The following FAT2 variants were observed in gnomAD, a reference collection of about 807,000 sequenced individuals.
The protein encoded by FAT2 is FAT atypical cadherin 2, also known as protocadherin Fat 2.
A neutral mutation model predicts 295.3 loss-of-function variants in FAT2; 150 were observed. The observed-to-expected ratio is 0.51, with a 90% CI of 0.44 to 0.58. FAT2 has a LOEUF of 0.58. Among genes scored for constraint, FAT2 ranks in the 20% least tolerant of loss-of-function variants. The pLI is 0.00. For missense variants in FAT2, 4,868 were observed against 5,442.7 expected, an observed-to-expected ratio of 0.89 and a Z score of 3.32; for synonymous variants, 2,026 against 2,150.3, an observed-to-expected ratio of 0.94 and a Z score of 1.60.
At position 151,566,299 on chromosome 5, in the gene FAT2, G is replaced by A. The variant is rs1758259966; in HGVS notation, c.2633C>T (p.Thr878Ile). Residue 878 changes from threonine to isoleucine, a missense_variant, in exon 2 of 24, where the codon ACA becomes ATA. By Grantham distance (89) the Thr-to-Ile change is moderately conservative. Coordinates refer to ENST00000261800, the MANE Select transcript of FAT2 (RefSeq NM_001447.3). ...CTCTGATTCGCGGTCCAGGTGTCCT[G>A]TAACAACCAGTTCCCCAGTGAGAGG... ...LHPLTGELVV[T>I]GHLDRESEPR... is the part of the protein sequence containing the mutation. 4 of 1,614,006 alleles carry A rather than the reference G, an allele frequency of 2.5e-6. No individual in the cohort carries two copies. The highest frequency in any genetic ancestry group is 3.4e-6 in the Non-Finnish European group (4 of 1,180,024).
chr5:151,561,174 A>G (rs1420701281), intron 3 of FAT2, among the ~76,000 whole-genome samples: 1 of 152,256 alleles, frequency 6.6e-6, no homozygotes, highest in East Asian at 1.9e-4. Context: ...GGAATCTGAA[A>G]GAAGAGCGGG....
At position 151,565,781 on chromosome 5, in the gene FAT2, C is replaced by T. The variant is rs753583873; in HGVS notation, c.3151G>A (p.Val1051Met). Reference protein sequence around the residue: ...VQENSPSGTQVIVVAAQDDDS... With the variant: ...VQENSPSGTQMIVVAAQDDDS... Reference sequence around the variant, plus strand: ...TCGTCCTGGGCAGCCACTACAATCACCTGAGTTCCCGAGGGGCTGTTCTCC... The same window carrying T: ...TCGTCCTGGGCAGCCACTACAATCATCTGAGTTCCCGAGGGGCTGTTCTCC... Residue 1051 changes from valine (V) to methionine (M), a missense_variant, in exon 2 of 24, where the codon GTG (valine) becomes ATG (methionine). By Grantham distance (21) the Val-to-Met change is conservative (BLOSUM62 1). This residue lies in a region of FAT2 where 3,297 missense variants were observed against 3,669.4 expected (regional missense o/e 0.90). Transcript: ENST00000261800. The T allele has an allele frequency of 1.2e-6, 2 of 1,614,136 alleles. No individual in the cohort carries two copies. Among genetic ancestry groups the T allele is most frequent in the African/African-American group, 1.3e-5 (1 of 75,020 alleles).
chr5:151,570,663 C>T (rs1236627241), intron 1 of FAT2, among the ~76,000 whole-genome samples: 1 of 151,746 alleles, frequency 6.6e-6, no homozygotes, highest in Admixed American at 6.6e-5. Flanking sequence ...TGATGCCTGG[C>T]TTGCCCCTGG....
Position 151,556,636 on chromosome 5 carries a change from T to G in FAT2, c.3575-234A>C, listed in dbSNP as rs79246241. Reference sequence around the variant, plus strand: ...TACTTCAAGTACCCATACATTCTGTTTTTTACTTTCACTTCAGTATTCAAA... The same window carrying G: ...TACTTCAAGTACCCATACATTCTGTGTTTTACTTTCACTTCAGTATTCAAA... On this transcript the variant is annotated intron_variant, in intron 3 of 23. Coordinates refer to ENST00000261800, the MANE Select transcript of FAT2 (RefSeq NM_001447.3). Among the ~76,000 whole-genome samples, 758 of 152,328 alleles carry G rather than the reference T, an allele frequency of 5.0e-3. 7 individuals are homozygous for G. Among genetic ancestry groups the G allele is most frequent in the African/African-American group, 0.018 (738 of 41,564 alleles).
intron 8 of FAT2, among the ~76,000 whole-genome samples, chr5:151,550,112 G>A (rs1757851463): frequency 6.6e-6 from 1 of 152,174 alleles, no homozygotes; most frequent in African/African-American, 2.4e-5. Flanking sequence ...GGGGAAGCAA[G>A]TGAGGCAAGT....
chr5:151,526,901 CA>C lies in FAT2; in HGVS notation c.10308+332del, dbSNP rs575156258. Among the ~76,000 whole-genome samples, 12 of 152,184 alleles carry C rather than the reference CA, an allele frequency of 7.9e-5. No individual in the cohort carries two copies. In the East Asian group the frequency reaches 2.1e-3, roughly 27 times the overall value. On this transcript the variant is annotated intron_variant, in intron 17 of 23. Coordinates refer to ENST00000261800, the MANE Select transcript of FAT2 (RefSeq NM_001447.3). Reference sequence around the variant, plus strand: ...GAATAGCTTGGGTTCTGGAAACAAACAAAAAAATCCCTGGGGTTCAATCCCA... The same window carrying C: ...GAATAGCTTGGGTTCTGGAAACAAACAAAAAATCCCTGGGGTTCAATCCCA...
Position 151,546,158 on chromosome 5 carries a change from C to A in FAT2, c.4969G>T (p.Ala1657Ser), listed in dbSNP as rs376919317. Reference sequence around the variant, plus strand: ...TACTCAGATTTTGAAAAGATGGGGGCACTCCTATCTGAGGGATAGACATGA... The same window carrying A: ...TACTCAGATTTTGAAAAGATGGGGGAACTCCTATCTGAGGGATAGACATGA... The part of the protein sequence containing the change: ...IIHVYPSDRS[A>S]PIFSKSEYFV... Residue 1657 changes from alanine (A) to serine (S), a missense_variant, in exon 10 of 24, where the codon GCC becomes TCC. Ala to Ser is a moderately conservative substitution (Grantham distance 99). This residue lies in a region of FAT2 where 3,297 missense variants were observed against 3,669.4 expected (regional missense o/e 0.90). Coordinates refer to ENST00000261800, the MANE Select transcript of FAT2 (RefSeq NM_001447.3). 1.9e-6 allele frequency: 3 copies of A among 1,614,128 alleles called. No homozygotes were observed. The highest frequency in any genetic ancestry group is 1.1e-5 in the South Asian group (1 of 91,082).
intron 1 of FAT2, among the ~76,000 whole-genome samples, chr5:151,582,601 G>C (rs1759003857): frequency 6.6e-6 from 1 of 152,104 alleles, no homozygotes; most frequent in Non-Finnish European, 1.5e-5. Flanking sequence ...CTTTCTTTAG[G>C]ATCATACTCT....
chr5:151,512,216 T>C lies in FAT2; in HGVS notation c.11854A>G (p.Ser3952Gly). Residue 3952 changes from serine (S) to glycine (G), a missense_variant, in exon 21 of 24, where the codon AGC becomes GGC. Physicochemically the swap from Ser to Gly is moderately conservative, Grantham distance 56. This residue lies in a region of FAT2 where 24 missense variants were observed against 53.3 expected (regional missense o/e 0.45). Coordinates refer to ENST00000261800, the MANE Select transcript of FAT2 (RefSeq NM_001447.3). The surrounding 1 kb of genome is among the most constrained non-coding windows in gnomAD (Gnocchi z 4.1). Reference sequence around the variant, plus strand: ...CCACCATTGAGGCATGTGTTCTGGCTGCAGTAGTCACTGTGGAGGCAGCAC... The same window carrying C: ...CCACCATTGAGGCATGTGTTCTGGCCGCAGTAGTCACTGTGGAGGCAGCAC... Reference protein sequence around the residue: ...TQCCLHSDYCSQNTCLNGGKC... With the variant: ...TQCCLHSDYCGQNTCLNGGKC... 6.2e-7 allele frequency: 1 copy of C among 1,614,234 alleles called. No homozygotes were observed. Among genetic ancestry groups the C allele is most frequent in the Non-Finnish European group, 8.5e-7 (1 of 1,180,046 alleles).
At chr5:151,578,040 A>G (rs1036089825) in intron 1 of FAT2, among the ~76,000 whole-genome samples, 26 of 152,132 alleles carry the variant, frequency 1.7e-4, no homozygotes, top group African/African-American at 6.3e-4. Context: ...AAAAAAGATC[A>G]AAGCCAACTC....
chr5:151,516,035 C>A (rs1752832212), intron 20 of FAT2, among the ~76,000 whole-genome samples: 1 of 152,174 alleles, frequency 6.6e-6, no homozygotes, highest in Non-Finnish European at 1.5e-5. Context: ...GGTAGAACTC[C>A]AACCCATTGC....
Position 151,505,524 on chromosome 5 carries a change from A to T in FAT2, c.*41T>A. The T allele has an allele frequency of 6.2e-7, 1 of 1,610,686 alleles. No individual in the cohort carries two copies. Among genetic ancestry groups the T allele is most frequent in the Non-Finnish European group, 8.5e-7 (1 of 1,178,578 alleles). On this transcript the variant is annotated 3_prime_UTR_variant, in exon 24 of 24. Transcript: ENST00000261800. ...AGACAGGAAGAAATAAGCCAAGTCC[A>T]GTCCTTGGCCTCCCGCCTGCCTTGC...
At position 151,553,291 on chromosome 5, in the gene FAT2, C is replaced by T. The variant is rs761491512; in HGVS notation, c.4042G>A (p.Ala1348Thr). 2.0e-5 allele frequency: 33 copies of T among 1,614,136 alleles called. No homozygotes were observed. The South Asian group carries it at 3.4e-4, about 17-fold the overall frequency. The change falls in exon 6 of 24, where the codon GCC (alanine) becomes ACC (threonine). Residue 1348 changes from alanine to threonine, a missense_variant. By Grantham distance (58) the Ala-to-Thr change is moderately conservative. Around this residue, in one of 5 missense-constraint regions of FAT2, gnomAD observed 3,297 missense variants for 3,669.4 expected, o/e 0.90. Coordinates refer to ENST00000261800, the MANE Select transcript of FAT2 (RefSeq NM_001447.3). ...AAGCTGTAGTAGGTCTCATCAAAGG[C>T]CAGAGGGATGGAGGACGGCCGGGGC... ...PWPRPSSIPLAFDETYYSFTV... is the reference protein window; with the variant it reads ...PWPRPSSIPLTFDETYYSFTV...
At chr5:151,514,844 A>C (rs564491241) in intron 20 of FAT2, among the ~76,000 whole-genome samples, 24 of 152,304 alleles carry the variant, frequency 1.6e-4, no homozygotes, top group African/African-American at 5.5e-4. Context: ...CACCTCCTCA[A>C]GGGTCTACTG....
At chr5:151,562,248 C>T (rs564029009) in intron 3 of FAT2, among the ~76,000 whole-genome samples, 7 of 152,174 alleles carry the variant, frequency 4.6e-5, no homozygotes, top group Non-Finnish European at 7.3e-5. Flanking sequence ...ACTGCCCGCT[C>T]GCATTCTTCC....
chr5:151,537,558 A>G (rs1412584672), intron 12 of FAT2, among the ~76,000 whole-genome samples: 17 of 152,238 alleles, frequency 1.1e-4, no homozygotes, highest in Non-Finnish European at 2.5e-4. Context: ...AATTTAGCAC[A>G]TTTAAAACCA....
Position 151,521,262 on chromosome 5 carries a change from G to A in FAT2, c.11317+14C>T. 3 of 1,587,040 alleles carry A rather than the reference G, an allele frequency of 1.9e-6. No individual in the cohort carries two copies. Among genetic ancestry groups the A allele is most frequent in the Non-Finnish European group, 2.6e-6 (3 of 1,162,620 alleles). ...AGCAGTGCTGCTCGTCCCTAGGGAA[G>A]ATGTAGTACTTACCATTGCAGGAGC... On this transcript the variant is annotated intron_variant, in intron 19 of 23. Coordinates refer to ENST00000261800, the MANE Select transcript of FAT2 (RefSeq NM_001447.3).
Position 151,507,442 on chromosome 5 carries a change from T to G in FAT2, c.12229A>C (p.Lys4077Gln). 6.2e-7 allele frequency: 1 copy of G among 1,614,156 alleles called. No individual in the cohort carries two copies. Among genetic ancestry groups the G allele is most frequent in the Non-Finnish European group, 8.5e-7 (1 of 1,180,012 alleles). Residue 4077 changes from lysine (K) to glutamine (Q), a missense_variant, in exon 23 of 24, where the codon AAG (lysine) becomes CAG (glutamine). Physicochemically the swap from Lys to Gln is moderately conservative, Grantham distance 53 (BLOSUM62 1). This residue lies in a region of FAT2 where 492 missense variants were observed against 482.6 expected (regional missense o/e 1.02). Transcript: ENST00000261800. Reference protein sequence around the residue: ...LFYCRRCKSHKPVAMEDPDLL... With the variant: ...LFYCRRCKSHQPVAMEDPDLL... Reference sequence around the variant, plus strand: ...TCTGGGTCCTCCATGGCCACAGGCTTGTGAGACTTGCAACGGCGGCAGTAG... The same window carrying G: ...TCTGGGTCCTCCATGGCCACAGGCTGGTGAGACTTGCAACGGCGGCAGTAG...
chr5:151,566,625 T>G lies in FAT2; in HGVS notation c.2307A>C (p.Thr769=). 6.2e-7 allele frequency: 1 copy of G among 1,614,196 alleles called. No homozygotes were observed. The highest frequency in any genetic ancestry group is 8.5e-7 in the Non-Finnish European group (1 of 1,180,044). The stretch of plus-strand genomic sequence containing the variant: ...AGGGAGCAGCTACAGTGAGCAGCCC[T>G]GTCTCCAGCTCTATGTCAAAGCAGC... ...EEGCFDIELE[T]GLLTVAAPLD... The change falls in exon 2 of 24, where the codon ACA becomes ACC. Residue 769 remains threonine (T), a synonymous_variant. Transcript: ENST00000261800.
Sources: allele counts gnomAD v4.1 joint callset (sites outside exome capture counted in the v4.1 genomes callset), GRCh38; gene constraint gnomAD v4.1.1; regional missense constraint gnomAD v4.1.1; non-coding constraint Gnocchi (gnomAD v3.1); transcripts MANE v1.5; gene names NCBI Gene and HGNC (gene_info 2026-07-23, HGNC 2026-07-21).